Variants in ST18 observed in about 807,000 individuals in gnomAD.
ST18 encodes suppression of tumorigenicity 18 protein.
In ST18, 50 loss-of-function variants were observed where a neutral mutation model predicts 110.0. The ratio of observed to expected loss-of-function variants is 0.45; its 90% CI spans 0.36 to 0.58. ST18 has a LOEUF of 0.58. ST18 is among the 20% of genes least tolerant of loss of function. ST18 has a pLI of 0.00. For missense variants in ST18, 1,306 were observed against 1,280.1 expected (o/e 1.02, Z -0.31); for synonymous variants, 461 against 452.4 (o/e 1.02, Z -0.24).
chr8:52,212,329 A>G (rs2082483319), intron 7 of ST18, among the ~76,000 whole-genome samples: 1 of 152,220 alleles, frequency 6.6e-6, no homozygotes, highest in South Asian at 2.1e-4. Flanking sequence ...CTGGGGCCTG[A>G]TAATCGTAGA....
intron 8 of ST18, among the ~76,000 whole-genome samples, chr8:52,203,861 C>A (rs2078957113): frequency 6.6e-6 from 1 of 152,116 alleles, no homozygotes; most frequent in Non-Finnish European, 1.5e-5. Context: ...AATTTAGTTC[C>A]CAAATTACCA....
At chr8:52,169,124 C>T (rs986385726) in intron 10 of ST18, among the ~76,000 whole-genome samples, 2 of 152,094 alleles carry the variant, frequency 1.3e-5, no homozygotes, top group Non-Finnish European at 2.9e-5. Context: ...CCACCGTGCC[C>T]CTTTGTCTGT....
At chr8:52,260,447 C>T (rs2094652685) in intron 2 of ST18, among the ~76,000 whole-genome samples, 1 of 137,678 alleles carries the variant, frequency 7.3e-6, no homozygotes, top group Non-Finnish European at 1.5e-5. Context: ...TGTGGCATCA[C>T]CAGCTGCATG....
At chr8:52,213,666 C>T (rs918288019) in intron 7 of ST18, among the ~76,000 whole-genome samples, 1 of 152,178 alleles carries the variant, frequency 6.6e-6, no homozygotes, top group Non-Finnish European at 1.5e-5. Flanking sequence ...ACATTACCAT[C>T]TGTTGGTTAC....
At chr8:52,118,481 G>C (rs765369926) in intron 23 of ST18, 40 bp from the exon 24 acceptor site, 1 of 1,203,540 alleles carries the variant, frequency 8.3e-7, no homozygotes, top group Non-Finnish European at 1.2e-6. Context: ...ACTGAAAACT[G>C]TTAACAAATG....
At chr8:52,323,743 G>T (rs924928876) in intron 2 of ST18, among the ~76,000 whole-genome samples, 1 of 152,182 alleles carries the variant, frequency 6.6e-6, no homozygotes, top group Non-Finnish European at 1.5e-5. Context: ...GGGGGAGGCT[G>T]GGTGGGGTGG....
chr8:52,235,067 A>T (rs2092408026), intron 2 of ST18, among the ~76,000 whole-genome samples: 1 of 152,162 alleles, frequency 6.6e-6, no homozygotes, highest in African/African-American at 2.4e-5. Context: ...CCACTAAAAA[A>T]TTTACTTGTG....
In ST18 at chr8:52,379,325, T is replaced by C. The variant is rs929498871; in HGVS notation, c.-465+30003A>G. ...GTTGGCCAGGCTGGTCTCTAACTCC[T>C]GACCTCAAGTGAACCACCTGCCTTG... On this transcript the variant is annotated intron_variant, in intron 2 of 25. Coordinates refer to ENST00000689386, the MANE Select transcript of ST18 (RefSeq NM_001352837.2). Among the ~76,000 whole-genome samples, 4 of 151,546 alleles carry C rather than the reference T, an allele frequency of 2.6e-5. No homozygotes were observed. The East Asian group carries it at 5.8e-4, about 22-fold the overall frequency.
At chr8:52,140,745 CAT>C (rs2054683199) in intron 17 of ST18, among the ~76,000 whole-genome samples, 1 of 152,090 alleles carries the variant, frequency 6.6e-6, no homozygotes, top group South Asian at 2.1e-4. Flanking sequence ...GCAAAATAAT[CAT>C]GCTTCATTTT....
At chr8:52,324,325 G>GGAT (rs1380408739) in intron 2 of ST18, among the ~76,000 whole-genome samples, 2 of 151,980 alleles carry the variant, frequency 1.3e-5, no homozygotes, top group Non-Finnish European at 2.9e-5. Flanking sequence ...ATGGATGGAT[G>GGAT]GATGGATGGA....
intron 16 of ST18, among the ~76,000 whole-genome samples, chr8:52,147,056 G>A (rs1246033614): frequency 3.9e-5 from 6 of 152,136 alleles, no homozygotes; most frequent in African/African-American, 1.4e-4. Flanking sequence ...TTCCCACATA[G>A]CTTCTAAATT....
At chr8:52,266,241 T>C (rs902584193) in intron 2 of ST18, among the ~76,000 whole-genome samples, 5 of 152,174 alleles carry the variant, frequency 3.3e-5, no homozygotes, top group Non-Finnish European at 5.9e-5. Flanking sequence ...TGCCTGGAAA[T>C]TGAGGCTGGT....
chr8:52,163,065 GCTAA>G (rs2061884620), intron 13 of ST18, among the ~76,000 whole-genome samples: 2 of 152,194 alleles, frequency 1.3e-5, no homozygotes, highest in African/African-American at 2.4e-5. Flanking sequence ...TTCTATATTT[GCTAA>G]CTAACTTACT....
At chr8:52,113,654 A>C (rs1480873412) in intron 25 of ST18, among the ~76,000 whole-genome samples, 1 of 152,150 alleles carries the variant, frequency 6.6e-6, no homozygotes, top group Non-Finnish European at 1.5e-5. Context: ...CTCAGCCTTG[A>C]CTGCACATGC....
chr8:52,214,355 G>A, intron 6 of ST18, 98 bp from the exon 7 acceptor site: 1 of 1,314,318 alleles, frequency 7.6e-7, no homozygotes, highest in Non-Finnish European at 1.1e-6. Flanking sequence ...ATGAAAAACA[G>A]TAGCCTTCCA....
chr8:52,367,679 G>A (rs1828665098), intron 2 of ST18, among the ~76,000 whole-genome samples: 1 of 152,170 alleles, frequency 6.6e-6, no homozygotes, highest in Admixed American at 6.5e-5. Context: ...ACCAATTAGG[G>A]TTTGGTCCCA....
chr8:52,248,257 G>A (rs955229763), intron 2 of ST18, among the ~76,000 whole-genome samples: 9 of 152,134 alleles, frequency 5.9e-5, no homozygotes, highest in African/African-American at 1.9e-4. Context: ...TCTACACAGA[G>A]TTTTAATTCA....
chr8:52,224,360 G>A (rs1316212871), intron 3 of ST18, among the ~76,000 whole-genome samples: 1 of 152,188 alleles, frequency 6.6e-6, no homozygotes, highest in Non-Finnish European at 1.5e-5. Flanking sequence ...CAAAAATTAT[G>A]TAAGCCTTTT....
intron 2 of ST18, among the ~76,000 whole-genome samples, chr8:52,318,186 C>T (rs888837143): frequency 1.3e-5 from 2 of 151,592 alleles, no homozygotes; most frequent in Admixed American, 1.3e-4. Context: ...CAAGAAAAAA[C>T]AAAAACAAAC....
Sources: gnomAD v4.1 joint callset for allele counts (sites outside exome capture counted in the v4.1 genomes callset) on GRCh38, gnomAD v4.1.1 for gene constraint, MANE v1.5 for transcripts, NCBI Gene and HGNC (gene_info 2026-07-23, HGNC 2026-07-21) for gene names.